The following NRXN1 variants were observed in gnomAD, a reference collection of about 807,000 sequenced individuals.
NRXN1 encodes the protein neurexin-1.
In NRXN1, 39 loss-of-function variants were observed where a neutral mutation model predicts 150.9. The ratio of observed to expected loss-of-function variants is 0.26; its 90% confidence interval spans 0.20 to 0.34. The LOEUF (loss-of-function observed/expected upper bound fraction) is 0.34. NRXN1 is among the 10% of genes least tolerant of loss of function. The pLI is 1.00. For missense variants in NRXN1, 1,815 were observed against 1,949.9 expected (o/e 0.93, Z 1.30); for synonymous variants, 924 against 757.0 (o/e 1.22, Z -3.62).
chr2:50,456,481 C>T (rs1465860426), intron 17 of NRXN1, among the ~76,000 whole-genome samples: 1 of 152,096 alleles, frequency 6.6e-6, no homozygotes, highest in Non-Finnish European at 1.5e-5. Flanking sequence ...CATAATTCCT[C>T]CCCATAAAAG....
intron 21 of NRXN1, among the ~76,000 whole-genome samples, chr2:49,970,857 C>T (rs1677827456): frequency 6.6e-6 from 1 of 151,856 alleles, no homozygotes; most frequent in Non-Finnish European, 1.5e-5. Flanking sequence ...CCATAAACCA[C>T]AGGTAAAGCA....
rs79407911 is a variant in NRXN1 at position 50,975,437 on chromosome 2, C to A, written c.773-49482G>T. ...AAGTCTCTTTCCATACTTTTCTATT[C>A]TCTGCAAGGCAAAATGCAAACTGGC... On this transcript the variant is annotated intron_variant, in intron 2 of 22. Coordinates refer to ENST00000401669, the MANE Select transcript of NRXN1 (RefSeq NM_001330078.2). 9.0e-3 allele frequency among the ~76,000 whole-genome samples: 1,367 copies of A among 152,108 alleles called. 6 individuals carry two copies. The highest frequency in any genetic ancestry group is 0.014 in the Middle Eastern group (4 of 294).
At chr2:49,986,590 A>T (rs893850357) in intron 21 of NRXN1, among the ~76,000 whole-genome samples, 1 of 152,254 alleles carries the variant, frequency 6.6e-6, no homozygotes, top group East Asian at 1.9e-4. Flanking sequence ...AAAAGGGTAA[A>T]GTTTTTTCTT....
chr2:50,677,164 A>C (rs1031477548), intron 5 of NRXN1, among the ~76,000 whole-genome samples: 1 of 152,176 alleles, frequency 6.6e-6, no homozygotes, highest in Non-Finnish European at 1.5e-5. Flanking sequence ...CTGCCTTTAG[A>C]AATAGTAAAT....
intron 2 of NRXN1, among the ~76,000 whole-genome samples, chr2:51,008,161 T>C (rs1456894765): frequency 6.6e-6 from 1 of 151,800 alleles, no homozygotes; most frequent in Non-Finnish European, 1.5e-5. Flanking sequence ...ATAAAAGAGA[T>C]CAGTTATAAA....
intron 8 of NRXN1, among the ~76,000 whole-genome samples, chr2:50,607,964 A>C (rs1468063129): frequency 6.6e-6 from 1 of 151,968 alleles, no homozygotes; most frequent in African/African-American, 2.4e-5. Context: ...CCCTCAGTGT[A>C]ATCAGATGAG....
At chr2:50,324,460 C>A (rs1442544756) in intron 17 of NRXN1, among the ~76,000 whole-genome samples, 1 of 152,196 alleles carries the variant, frequency 6.6e-6, no homozygotes, top group African/African-American at 2.4e-5. Context: ...TCTATCAGAG[C>A]CCTGGGTTGG....
intron 17 of NRXN1, among the ~76,000 whole-genome samples, chr2:50,237,906 C>T (rs1213475783): frequency 1.3e-5 from 2 of 151,926 alleles, no homozygotes; most frequent in Non-Finnish European, 2.9e-5. Flanking sequence ...ATGCTGTTCT[C>T]ATGATAGTGA....
intron 10 of NRXN1, among the ~76,000 whole-genome samples, chr2:50,534,601 G>C (rs1173319920): frequency 6.6e-6 from 1 of 152,048 alleles, no homozygotes; most frequent in Admixed American, 6.6e-5. Context: ...CTTTACTTTT[G>C]TTTTTCCTAA....
intron 2 of NRXN1, among the ~76,000 whole-genome samples, chr2:50,977,419 T>C (rs1253533940): frequency 1.3e-5 from 2 of 151,956 alleles, no homozygotes; most frequent in Admixed American, 6.6e-5. Flanking sequence ...GCATTATATA[T>C]ACTTTTTATG....
At chr2:49,999,524 T>G (rs1391561994) in intron 21 of NRXN1, among the ~76,000 whole-genome samples, 1 of 152,192 alleles carries the variant, frequency 6.6e-6, no homozygotes, top group Non-Finnish European at 1.5e-5. Context: ...CTGTAGCAAT[T>G]GAAAGCTATA....
chr2:50,756,651 A>C (rs770331050), intron 5 of NRXN1, among the ~76,000 whole-genome samples: 31 of 152,002 alleles, frequency 2.0e-4, no homozygotes, highest in Non-Finnish European at 3.8e-4. Flanking sequence ...ACAATAGTAA[A>C]AGAGTAAGTA....
chr2:50,838,737 C>T (rs1672445747), intron 5 of NRXN1, among the ~76,000 whole-genome samples: 2 of 151,988 alleles, frequency 1.3e-5, no homozygotes, highest in Admixed American at 1.3e-4. Flanking sequence ...CCAGGGAAAA[C>T]CAGAAGTTAA....
chr2:50,047,636 C>T (rs1037426), intron 21 of NRXN1, among the ~76,000 whole-genome samples: 94,802 of 151,510 alleles, frequency 0.63, 29,944 homozygotes, highest in Middle Eastern at 0.66. Flanking sequence ...GAATACTTTA[C>T]GCACATCCAT....
At chr2:51,023,777 T>C (rs994883637) in intron 2 of NRXN1, among the ~76,000 whole-genome samples, 1 of 152,164 alleles carries the variant, frequency 6.6e-6, no homozygotes, top group East Asian at 1.9e-4. Flanking sequence ...AACAAATGAA[T>C]GAATGAACAA....
chr2:50,473,823 C>T (rs980916256), intron 15 of NRXN1, among the ~76,000 whole-genome samples: 8 of 151,980 alleles, frequency 5.3e-5, no homozygotes, highest in Non-Finnish European at 1.2e-4. Context: ...ACCCATTAAA[C>T]AGTAATAAGC....
At chr2:50,219,179 C>T (rs1325488352) in intron 18 of NRXN1, among the ~76,000 whole-genome samples, 2 of 151,958 alleles carry the variant, frequency 1.3e-5, no homozygotes, top group East Asian at 1.9e-4. Context: ...CAAACAGGTA[C>T]GTCTAGCTTT....
At chr2:49,973,676 G>C in intron 21 of NRXN1, 1 of 402,390 alleles carries the variant, frequency 2.5e-6, no homozygotes, top group Non-Finnish European at 4.4e-6. Context: ...CAAGCATGCT[G>C]ATAAACCCCT....
At chr2:50,102,466 C>T (rs1701102655) in intron 18 of NRXN1, among the ~76,000 whole-genome samples, 1 of 152,002 alleles carries the variant, frequency 6.6e-6, no homozygotes. Flanking sequence ...TATTTATGTA[C>T]TTATTCAAAA....
Sources: gnomAD v4.1 joint callset for allele counts (sites outside exome capture counted in the v4.1 genomes callset) on GRCh38, gnomAD v4.1.1 for gene constraint, MANE v1.5 for transcripts, NCBI Gene and HGNC (gene_info 2026-07-23, HGNC 2026-07-21) for gene names.